Variants in THOC1 observed in about 807,000 individuals in gnomAD.
THOC1 encodes the protein THO complex subunit 1, also known as THO complex 1.
A neutral mutation model predicts 97.3 loss-of-function variants in THOC1; 29 were observed. The observed-to-expected ratio is 0.30, with a 90% CI of 0.22 to 0.41. The LOEUF (loss-of-function observed/expected upper bound fraction) is 0.41. Ranked by LOEUF, THOC1 falls within the 10% of genes least tolerant of loss-of-function variation. The pLI is 1.00. For synonymous variants in THOC1, 255 were observed against 257.0 expected (o/e 0.99, Z 0.07); for missense variants, 529 against 761.9 (o/e 0.69, Z 3.60).
At chr18:220,099 AT>A (rs1188075279) in intron 17 of THOC1, among the ~76,000 whole-genome samples, 2 of 152,324 alleles carry the variant, frequency 1.3e-5, no homozygotes, top group South Asian at 2.1e-4. Flanking sequence ...ACTATATTCC[AT>A]TTTATGAACA....
chr18:233,797 T>G (rs1279946520), intron 11 of THOC1, among the ~76,000 whole-genome samples: 1 of 152,240 alleles, frequency 6.6e-6, no homozygotes, highest in African/African-American at 2.4e-5. Flanking sequence ...TTCATGGTTT[T>G]CTTACTCTTG....
At chr18:226,356 G>A (rs1911286385) in intron 12 of THOC1, 1 of 159,040 alleles carries the variant, frequency 6.3e-6, no homozygotes, top group African/African-American at 2.4e-5. Context: ...AGAGCCTAAT[G>A]AGGTTTTGTG....
At chr18:267,897 G>A (rs1912832268) in intron 1 of THOC1, 69 bp downstream of exon 1, 1 of 1,479,850 alleles carries the variant, frequency 6.8e-7, no homozygotes, top group African/African-American at 1.4e-5. Context: ...CAAAATTCGA[G>A]TAATTTCAGG....
chr18:257,578 G>C (rs912846894), intron 7 of THOC1, among the ~76,000 whole-genome samples: 1 of 151,914 alleles, frequency 6.6e-6, no homozygotes, highest in Non-Finnish European at 1.5e-5. Context: ...CTCTGAGAGG[G>C]CCTAGAAGTA....
intron 1 of THOC1, among the ~76,000 whole-genome samples, chr18:267,686 G>C (rs1437465237): frequency 2.0e-5 from 3 of 152,180 alleles, no homozygotes; most frequent in African/African-American, 7.2e-5. Flanking sequence ...CCAACCAGCA[G>C]TAGTCTGCAG....
At chr18:230,077 C>A (rs1415323419) in intron 11 of THOC1, among the ~76,000 whole-genome samples, 1 of 152,222 alleles carries the variant, frequency 6.6e-6, no homozygotes, top group Non-Finnish European at 1.5e-5. Flanking sequence ...GAATGTTCAA[C>A]TGACACCTGA....
chr18:222,271 A>G (rs1223868243), intron 17 of THOC1, among the ~76,000 whole-genome samples: 1 of 152,162 alleles, frequency 6.6e-6, no homozygotes, highest in Non-Finnish European at 1.5e-5. Context: ...TCTTGATAAG[A>G]TTTATTCAGA....
chr18:239,558 G>A (rs556050964), intron 11 of THOC1, among the ~76,000 whole-genome samples: 3 of 152,198 alleles, frequency 2.0e-5, no homozygotes, highest in South Asian at 2.1e-4. Context: ...TGTCTGCCTC[G>A]GCCTCCCAGA....
intron 4 of THOC1, among the ~76,000 whole-genome samples, chr18:262,228 G>A (rs1164200320): frequency 6.6e-6 from 1 of 152,138 alleles, no homozygotes; most frequent in Non-Finnish European, 1.5e-5. Flanking sequence ...TAAATATACT[G>A]TAGCATTTAG....
Position 214,691 on chromosome 18 carries a change from G to A in THOC1, c.1909C>T (p.Leu637=). The A allele has an allele frequency of 6.2e-7, 1 of 1,613,858 alleles. No homozygotes were observed. Among genetic ancestry groups the A allele is most frequent in the Non-Finnish European group, 8.5e-7 (1 of 1,179,806 alleles). ...HATPENLINA[L]NKSGLSDLAE... is the part of the protein sequence containing the mutation. ...AGGTCACTTAATCCAGACTTATTCA[G>A]TGCATTAATCAGATTCTCAGGTGTT... Residue 637 remains leucine, a synonymous_variant, in exon 21 of 21, where the codon CTG becomes TTG. Transcript: ENST00000261600.
At chr18:257,785 TA>T (rs34133945) in intron 7 of THOC1, among the ~76,000 whole-genome samples, 25,366 of 149,140 alleles carry the variant, frequency 0.17, 2,401 homozygotes, top group Non-Finnish European at 0.23. Flanking sequence ...TTTAGAAAAC[TA>T]AAAAAAACAA....
At chr18:259,775 C>A (rs1912545666) in intron 5 of THOC1, 45 bp from the exon 6 acceptor site, 9 of 1,407,744 alleles carry the variant, frequency 6.4e-6, no homozygotes, top group African/African-American at 1.5e-5. Flanking sequence ...GAACTTGTTA[C>A]ACATTCTTCA....
chr18:267,460 T>C (rs964837567), intron 1 of THOC1, among the ~76,000 whole-genome samples: 1 of 152,234 alleles, frequency 6.6e-6, no homozygotes, highest in Non-Finnish European at 1.5e-5. Context: ...GTGATCTATC[T>C]GCCTTTTCCC....
rs1289330066 is a variant in THOC1 at position 254,376 on chromosome 18, A to C, written c.521-21T>G. On this transcript the variant is annotated intron_variant, in intron 7 of 20. Coordinates refer to ENST00000261600, the MANE Select transcript of THOC1 (RefSeq NM_005131.3). This position sits in a 1 kb window ranked among gnomAD's most constrained non-coding sequence, Gnocchi z 4.1. ...AAGACCTAGTAAAAAAACAAAAAAA[A>C]GATGCAAAGCAAGTCCAGTGACACC... is the stretch of plus-strand genomic sequence containing the variant. 1 of 1,491,858 alleles carries C rather than the reference A, an allele frequency of 6.7e-7. No individual in the cohort carries two copies. The allele number at this position is 1,491,858 out of a possible 1,614,324, so 92.4% of individuals were successfully genotyped here.
At chr18:223,393 C>T in intron 17 of THOC1, 47 bp downstream of exon 17, 1 of 1,454,310 alleles carries the variant, frequency 6.9e-7, no homozygotes, top group Non-Finnish European at 9.4e-7. Context: ...CCATTCTACT[C>T]AACACTTGAC....
rs192407076 is a variant in THOC1 at position 246,393 on chromosome 18, T to C, written c.849A>G (p.Arg283=). Residue 283 remains arginine, a synonymous_variant, in exon 11 of 21, where the codon AGA becomes AGG. Coordinates refer to ENST00000261600, the MANE Select transcript of THOC1 (RefSeq NM_005131.3). ...CTGTTTTCAATTCTTCCATCTTTTT[T>C]CTTGAGGCCTGAGTATCATCTAATT... The part of the protein sequence containing the change: ...SYKLDDTQAS[R]KKMEELKTGG... 7.1e-5 allele frequency: 114 copies of C among 1,603,668 alleles called. No individual in the cohort carries two copies. Among genetic ancestry groups the C allele is most frequent in the Non-Finnish European group, 9.4e-5 (110 of 1,172,160 alleles).
intron 19 of THOC1, among the ~76,000 whole-genome samples, chr18:215,987 C>G (rs1175225901): frequency 6.6e-6 from 1 of 152,124 alleles, no homozygotes. Context: ...CGGAGTCTTG[C>G]TTGGTTGCCA....
chr18:218,032 T>C (rs1023797382), intron 18 of THOC1, among the ~76,000 whole-genome samples: 4 of 152,154 alleles, frequency 2.6e-5, no homozygotes, highest in Non-Finnish European at 5.9e-5. Context: ...GGCTGATGCA[T>C]GGAGCACTGA....
chr18:253,479 A>G (rs1215350261), intron 8 of THOC1, among the ~76,000 whole-genome samples: 1 of 152,210 alleles, frequency 6.6e-6, no homozygotes, highest in African/African-American at 2.4e-5. Flanking sequence ...GAAGAAAGTG[A>G]ATTTCAGAAT....
Sources: gnomAD v4.1 joint callset for allele counts (sites outside exome capture counted in the v4.1 genomes callset) on GRCh38, gnomAD v4.1.1 for gene constraint, Gnocchi (gnomAD v3.1) non-coding constraint, MANE v1.5 for transcripts, NCBI Gene and HGNC (gene_info 2026-07-23, HGNC 2026-07-21) for gene names.